The following MCC variants were observed in gnomAD, a reference collection of about 807,000 sequenced individuals.
MCC encodes colorectal mutant cancer protein.
Under a neutral mutation model 116.2 loss-of-function variants are expected in MCC, and 90 were observed. The observed-to-expected ratio is 0.77, with a 90% CI of 0.65 to 0.92. The LOEUF is 0.92. MCC is among the 40% of genes least tolerant of loss of function. MCC has a pLI of 0.00. For missense variants in MCC, 1,516 were observed against 1,312.2 expected, an observed-to-expected ratio of 1.16 and a Z score of -2.40; for synonymous variants, 578 against 510.5, an observed-to-expected ratio of 1.13 and a Z score of -1.78.
chr5:113,254,152 G>T (rs568264986), intron 3 of MCC, among the ~76,000 whole-genome samples: 1 of 152,184 alleles, frequency 6.6e-6, no homozygotes, highest in Non-Finnish European at 1.5e-5. Flanking sequence ...GCATTGATTG[G>T]TAGAGAGAAA....
At chr5:113,327,561 A>AAAAAAAAAATAT (rs1480996383) in intron 3 of MCC, among the ~76,000 whole-genome samples, 38 of 80,550 alleles carry the variant, frequency 4.7e-4, no homozygotes, top group Non-Finnish European at 6.9e-4. Flanking sequence ...AAAAAAAAAA[A>AAAAAAAAAATAT]ATATATATAT....
chr5:113,483,765 C>G (rs1772440854), intron 1 of MCC, among the ~76,000 whole-genome samples: 1 of 152,018 alleles, frequency 6.6e-6, no homozygotes, highest in Non-Finnish European at 1.5e-5. Flanking sequence ...CAGCACTGTT[C>G]ACAATAGTAA....
intron 1 of MCC, among the ~76,000 whole-genome samples, chr5:113,398,847 T>C (rs935217600): frequency 6.6e-6 from 1 of 152,250 alleles, no homozygotes; most frequent in Non-Finnish European, 1.5e-5. Context: ...CAATATTCTT[T>C]ATTTTGAAAC....
intron 6 of MCC, among the ~76,000 whole-genome samples, chr5:113,109,506 G>C (rs1756952288): frequency 6.6e-6 from 1 of 152,052 alleles, no homozygotes; most frequent in African/African-American, 2.4e-5. Flanking sequence ...GCGAGAATAG[G>C]GAGTTATTGC....
chr5:113,326,361 G>T (rs775709684), intron 3 of MCC, among the ~76,000 whole-genome samples: 1 of 152,162 alleles, frequency 6.6e-6, no homozygotes, highest in Non-Finnish European at 1.5e-5. Flanking sequence ...ATAAAGAACA[G>T]AATTTTACTC....
Position 113,485,945 on chromosome 5 carries a change from A to G in MCC, c.170+2300T>C, listed in dbSNP as rs150322462. Among the ~76,000 whole-genome samples, 86 of 152,354 alleles carry G rather than the reference A, an allele frequency of 5.6e-4. 3 individuals carry two copies. The East Asian group carries it at 0.016, about 28-fold the overall frequency. On this transcript the variant is annotated intron_variant, in intron 1 of 18. Transcript: ENST00000408903. ...ACAGGAATGCACAACCCTCCAAACC[A>G]CATCACCCACTACAGAGTGGTAAGT...
chr5:113,311,382 G>T (rs371021516), intron 3 of MCC, among the ~76,000 whole-genome samples: 1 of 152,070 alleles, frequency 6.6e-6, no homozygotes, highest in African/African-American at 2.4e-5. Flanking sequence ...CATATCTGCC[G>T]CTAACGTGAG....
chr5:113,103,288 C>A (rs891368370), intron 7 of MCC, among the ~76,000 whole-genome samples: 2 of 152,180 alleles, frequency 1.3e-5, no homozygotes, highest in African/African-American at 4.8e-5. Context: ...AGACTCTCAT[C>A]CTACTTGGCT....
intron 3 of MCC, among the ~76,000 whole-genome samples, chr5:113,161,620 ATGTGTGTGTGTGTGTG>A (rs57962617): frequency 0.22 from 32,306 of 148,214 alleles, 3,771 homozygotes; most frequent in Middle Eastern, 0.27. Flanking sequence ...GTTTAGATTT[ATGTGTGTGTGTGTGTG>A]TGTGTGTGTG....
chr5:113,462,115 G>A (rs1193952565), intron 1 of MCC, among the ~76,000 whole-genome samples: 1 of 152,196 alleles, frequency 6.6e-6, no homozygotes, highest in Non-Finnish European at 1.5e-5. Context: ...GTATTTTCTT[G>A]CTTTACTTTT....
intron 3 of MCC, among the ~76,000 whole-genome samples, chr5:113,303,900 CCG>C (rs1766921596): frequency 6.6e-6 from 1 of 152,134 alleles, no homozygotes; most frequent in Non-Finnish European, 1.5e-5. Context: ...GGTGATCCAC[CCG>C]CCTCGGCCTC....
intron 3 of MCC, among the ~76,000 whole-genome samples, chr5:113,339,408 A>AGTGTGTGTGTGTGTGTGT (rs60886614): frequency 4.9e-5 from 6 of 123,668 alleles, no homozygotes; most frequent in African/African-American, 1.6e-4. Context: ...AGGCTTCCTT[A>AGTGTGTGTGTGTGTGTGT]GTGTGTGTGT....
intron 3 of MCC, among the ~76,000 whole-genome samples, chr5:113,176,333 T>C (rs1294460684): frequency 3.3e-5 from 5 of 152,264 alleles, no homozygotes; most frequent in Non-Finnish European, 7.3e-5. Flanking sequence ...AGGAGCTGTG[T>C]GCACCCTGAG....
chr5:113,176,590 A>T (rs1373353144), intron 3 of MCC, among the ~76,000 whole-genome samples: 2 of 152,296 alleles, frequency 1.3e-5, no homozygotes, highest in East Asian at 3.9e-4. Context: ...CCAGAGGATG[A>T]CACTTGATGT....
intron 3 of MCC, among the ~76,000 whole-genome samples, chr5:113,255,862 C>T (rs1475962665): frequency 6.6e-6 from 1 of 152,164 alleles, no homozygotes; most frequent in East Asian, 1.9e-4. Context: ...GAGTGTAGGA[C>T]TACGTTATGC....
chr5:113,304,604 T>C (rs978821629), intron 3 of MCC, among the ~76,000 whole-genome samples: 1 of 152,236 alleles, frequency 6.6e-6, no homozygotes, highest in Non-Finnish European at 1.5e-5. Context: ...TGATTAGATA[T>C]TTTCGAGCCT....
intron 3 of MCC, among the ~76,000 whole-genome samples, chr5:113,223,761 G>C (rs1251695625): frequency 6.6e-6 from 1 of 152,214 alleles, no homozygotes; most frequent in African/African-American, 2.4e-5. Context: ...CAAGGGCAGA[G>C]AAAATGATGC....
intron 1 of MCC, among the ~76,000 whole-genome samples, chr5:113,463,171 G>A (rs1380291745): frequency 1.3e-5 from 2 of 152,176 alleles, no homozygotes; most frequent in African/African-American, 2.4e-5. Flanking sequence ...AGTGGTTGAT[G>A]TACAGAGAGC....
intron 3 of MCC, among the ~76,000 whole-genome samples, chr5:113,288,928 G>C (rs1766372290): frequency 6.6e-6 from 1 of 152,178 alleles, no homozygotes; most frequent in Non-Finnish European, 1.5e-5. Flanking sequence ...CAATATCTGG[G>C]AAGTGCTTAG....
Sources: allele counts gnomAD v4.1 joint callset (sites outside exome capture counted in the v4.1 genomes callset), GRCh38; gene constraint gnomAD v4.1.1; transcripts MANE v1.5; gene names NCBI Gene and HGNC (gene_info 2026-07-23, HGNC 2026-07-21).